The following POFUT3 variants were observed in gnomAD, a reference collection of about 807,000 sequenced individuals.
POFUT3 encodes protein O-fucosyltransferase 3, also known as GDP-fucose protein O-fucosyltransferase 3.
At chr8:33,457,190 G>C in the POFUT3 span, among the ~76,000 whole-genome samples, 1 of 152,146 alleles carries the variant, frequency 6.6e-6, no homozygotes, top group Non-Finnish European at 1.5e-5. Flanking sequence ...GCTCACACCT[G>C]TACTCCCAGC....
chr8:33,402,646 A>T, the POFUT3 span, among the ~76,000 whole-genome samples: 2 of 152,248 alleles, frequency 1.3e-5, no homozygotes, highest in Non-Finnish European at 2.9e-5. Context: ...TGTATTTTAT[A>T]TGCCCAGGTC....
At chr8:33,386,927 G>T in the POFUT3 span, among the ~76,000 whole-genome samples, 1 of 152,220 alleles carries the variant, frequency 6.6e-6, no homozygotes, top group African/African-American at 2.4e-5. Flanking sequence ...TCAGTTTTCT[G>T]TGAATATAAT....
the POFUT3 span, among the ~76,000 whole-genome samples, chr8:33,316,250 CA>C: frequency 6.6e-6 from 1 of 152,046 alleles, no homozygotes; most frequent in Non-Finnish European, 1.5e-5. Context: ...ATCCTGGGGT[CA>C]GGAGAGCTTC....
chr8:33,418,087 C>A, the POFUT3 span, among the ~76,000 whole-genome samples: 2 of 152,168 alleles, frequency 1.3e-5, no homozygotes, highest in East Asian at 3.9e-4. Context: ...AGCAACGCAC[C>A]ATTTTGAGCC....
At chr8:33,377,313 A>C in the POFUT3 span, among the ~76,000 whole-genome samples, 2 of 152,346 alleles carry the variant, frequency 1.3e-5, no homozygotes, top group East Asian at 3.8e-4. Flanking sequence ...ATCTTTTGTC[A>C]AAACAAACAA....
chr8:33,379,887 A>AAAATATATAT, the POFUT3 span, among the ~76,000 whole-genome samples: 2 of 128,226 alleles, frequency 1.6e-5, no homozygotes, highest in African/African-American at 6.0e-5. Context: ...CTATATATAT[A>AAAATATATAT]ACATACATAT....
At chr8:33,404,397 A>G in the POFUT3 span, among the ~76,000 whole-genome samples, 2 of 152,088 alleles carry the variant, frequency 1.3e-5, no homozygotes, top group Non-Finnish European at 2.9e-5. Context: ...GAGTCTCATT[A>G]TACAAAGTTT....
chr8:33,314,131 G>A, the POFUT3 span, among the ~76,000 whole-genome samples: 1 of 152,108 alleles, frequency 6.6e-6, no homozygotes, highest in Non-Finnish European at 1.5e-5. Context: ...CCCTGCTAAT[G>A]TTTAAAAAGA....
the POFUT3 span, among the ~76,000 whole-genome samples, chr8:33,449,043 T>C: frequency 6.4e-4 from 97 of 152,246 alleles, no homozygotes; most frequent in Non-Finnish European, 1.2e-3. Context: ...ATTGATGTTG[T>C]CTATCGTGAA....
the POFUT3 span, among the ~76,000 whole-genome samples, chr8:33,309,161 A>T: frequency 0.09 from 5,064 of 56,508 alleles, 197 homozygotes; most frequent in East Asian, 0.23. Context: ...AAAAAAAAAA[A>T]AAAAAAATAT....
chr8:33,405,496 AAAAT>A, the POFUT3 span, among the ~76,000 whole-genome samples: 1 of 152,178 alleles, frequency 6.6e-6, no homozygotes, highest in Non-Finnish European at 1.5e-5. Flanking sequence ...TACAAAAAAA[AAAAT>A]AGTCGATGAT....
At chr8:33,437,694 C>T in the POFUT3 span, among the ~76,000 whole-genome samples, 2 of 152,074 alleles carry the variant, frequency 1.3e-5, no homozygotes, top group African/African-American at 4.8e-5. Flanking sequence ...GCCTGTAGTC[C>T]CAGCTACTTG....
chr8:33,423,818 TAAAAA>T, the POFUT3 span, among the ~76,000 whole-genome samples: 1,035 of 70,114 alleles, frequency 0.015, 16 homozygotes, highest in African/African-American at 0.052. Flanking sequence ...GCACACCAAG[TAAAAA>T]AAAAAAAAAA....
the POFUT3 span, chr8:33,436,777 G>A: frequency 7.7e-6 from 4 of 518,198 alleles, no homozygotes; most frequent in East Asian, 1.1e-4. Context: ...CGCTAAAATA[G>A]CGGCCAATTT....
chr8:33,453,136 C>T, the POFUT3 span: 5 of 1,405,314 alleles, frequency 3.6e-6, no homozygotes, highest in Non-Finnish European at 4.0e-6. Context: ...GCTCCACCAT[C>T]ACTTTTCAGA....
the POFUT3 span, among the ~76,000 whole-genome samples, chr8:33,451,237 A>G: frequency 1.3e-5 from 2 of 152,140 alleles, no homozygotes; most frequent in Non-Finnish European, 2.9e-5. Context: ...CTGAAATCCA[A>G]AATGTTCCAA....
At chr8:33,391,709 A>T in the POFUT3 span, among the ~76,000 whole-genome samples, 1 of 152,212 alleles carries the variant, frequency 6.6e-6, no homozygotes, top group Non-Finnish European at 1.5e-5. Flanking sequence ...CTGGGAGAGA[A>T]AGTACTAGAG....
the POFUT3 span, chr8:33,455,861 G>C: frequency 2.2e-6 from 1 of 453,998 alleles, no homozygotes; most frequent in Non-Finnish European, 4.4e-6. Flanking sequence ...GGGAGGGCCC[G>C]TGACTTTCAT....
the POFUT3 span, among the ~76,000 whole-genome samples, chr8:33,423,425 T>C: frequency 1.3e-5 from 2 of 152,064 alleles, no homozygotes; most frequent in Non-Finnish European, 2.9e-5. Flanking sequence ...CATGCCACTA[T>C]GCCCAGCTAA....
Sources: allele counts gnomAD v4.1 joint callset (sites outside exome capture counted in the v4.1 genomes callset), GRCh38; gene constraint gnomAD v4.1.1; transcripts MANE v1.5; gene names NCBI Gene and HGNC (gene_info 2026-07-23, HGNC 2026-07-21).